Variants in LPP observed in about 807,000 individuals in gnomAD.
LPP encodes the protein lipoma-preferred partner.
Under a neutral mutation model 60.4 loss-of-function variants are expected in LPP, and 38 were observed. The ratio of observed to expected loss-of-function variants is 0.63; its 90% confidence interval spans 0.49 to 0.83. The LOEUF is 0.83. LPP is among the 40% of genes least tolerant of loss of function. The pLI is 0.00. For synonymous variants in LPP, 328 were observed against 290.8 expected (o/e 1.13, Z -1.30); for missense variants, 902 against 783.6 (o/e 1.15, Z -1.80).
Position 188,175,123 on chromosome 3 carries a change from G to C in LPP, c.-190+20871G>C, listed in dbSNP as rs541054029. ...ATTTTTTGAGTCAGAGTCTCGCTCTGTCGCTCAGCCTGGAGTGCAGTCGTG... is the reference window on the plus strand; with the variant it reads ...ATTTTTTGAGTCAGAGTCTCGCTCTCTCGCTCAGCCTGGAGTGCAGTCGTG... On this transcript the variant is annotated intron_variant, in intron 1 of 11. Transcript: ENST00000617246. 3.9e-5 allele frequency among the ~76,000 whole-genome samples: 6 copies of C among 152,234 alleles called. No individual in the cohort carries two copies. The South Asian group carries it at 8.3e-4, about 21-fold the overall frequency.
In LPP at chr3:188,862,712, C is replaced by CAAAAAAAAAAAAAAAAAAAAAAAAAAA. The variant is rs140751676; in HGVS notation, c.1411-3481_1411-3480insAAAAAAAAAAAAAAAAAAAAAAAAAAA. Among the ~76,000 whole-genome samples the CAAAAAAAAAAAAAAAAAAAAAAAAAAA allele has an allele frequency of 2.7e-4, 15 of 55,692 alleles. 1 individual carries two copies. The highest frequency in any genetic ancestry group is 1.4e-3 in the East Asian group (1 of 696). 36.5% of individuals were successfully genotyped at this position (55,692 alleles called of 152,430 possible). The stretch of plus-strand genomic sequence containing the variant: ...TATCAATGCTGGCAACCCTACTAGA[C>CAAAAAAAAAAAAAAAAAAAAAAAAAAA]AAAAAAATAAATAAATAAATAAATA... On this transcript the variant is annotated intron_variant, in intron 9 of 11. Transcript: ENST00000617246.
rs185302740 is a variant in LPP at position 188,461,359 on chromosome 3, C to G, written c.194-23233C>G. Among the ~76,000 whole-genome samples the G allele has an allele frequency of 1.3e-3, 195 of 152,260 alleles. 1 individual carries two copies. Among genetic ancestry groups the G allele is most frequent in the African/African-American group, 4.5e-3 (187 of 41,542 alleles). On this transcript the variant is annotated intron_variant, in intron 4 of 11. Coordinates refer to ENST00000617246, the MANE Select transcript of LPP (RefSeq NM_001375462.1). ...AAAATTAAAAGGCAATAAATAACTT[C>G]TGACAAAAGAAAATAGAAGCCATGT...
chr3:188,610,338 G>A lies in LPP; in HGVS notation c.1113+494G>A, dbSNP rs905085448. 6.6e-6 allele frequency among the ~76,000 whole-genome samples: 1 copy of A among 152,168 alleles called. No homozygotes were observed. Among genetic ancestry groups the A allele is most frequent in the African/African-American group, 2.4e-5 (1 of 41,442 alleles). On this transcript the variant is annotated intron_variant, in intron 7 of 11. Transcript: ENST00000617246. This position sits in a 1 kb window ranked among gnomAD's most constrained non-coding sequence, Gnocchi z 4.4. ...TGCTGTCAGGCTGTGGCCCTGTGAA[G>A]GCGATTATAACTCCCGCAATGTTGG...
At chr3:188,846,476 G>A (rs1052502773) in intron 9 of LPP, among the ~76,000 whole-genome samples, 2 of 152,016 alleles carry the variant, frequency 1.3e-5, no homozygotes, top group Non-Finnish European at 2.9e-5. Context: ...GTGAGGTCAG[G>A]GGTTCAAGAC....
chr3:188,168,486 G>A (rs344944), intron 1 of LPP, among the ~76,000 whole-genome samples: 121,707 of 152,120 alleles, frequency 0.8, 49,496 homozygotes, highest in African/African-American at 0.94. Flanking sequence ...TTCTTCAGTT[G>A]TAAATATAAT....
At chr3:188,693,611 G>GA (rs1280482047) in intron 7 of LPP, among the ~76,000 whole-genome samples, 1 of 152,136 alleles carries the variant, frequency 6.6e-6, no homozygotes, top group Non-Finnish European at 1.5e-5. Flanking sequence ...TGTTTGTCGA[G>GA]GAAAAGGAAA....
At chr3:188,359,665 G>A (rs796944313) in intron 3 of LPP, among the ~76,000 whole-genome samples, 12 of 152,150 alleles carry the variant, frequency 7.9e-5, no homozygotes, top group African/African-American at 2.9e-4. Flanking sequence ...TCCTCTATAC[G>A]TGAGGACAGT....
chr3:188,171,028 G>A (rs1485997480), intron 1 of LPP, among the ~76,000 whole-genome samples: 2 of 131,226 alleles, frequency 1.5e-5, no homozygotes, highest in African/African-American at 6.2e-5. Flanking sequence ...TGTATCAAAA[G>A]GAACACTGGC....
At chr3:188,434,895 G>T (rs1791921721) in intron 4 of LPP, among the ~76,000 whole-genome samples, 1 of 152,164 alleles carries the variant, frequency 6.6e-6, no homozygotes, top group Non-Finnish European at 1.5e-5. Flanking sequence ...CCAAGATTTA[G>T]TTCTTGAAAA....
At chr3:188,680,281 T>G (rs1859191612) in intron 7 of LPP, among the ~76,000 whole-genome samples, 1 of 152,040 alleles carries the variant, frequency 6.6e-6, no homozygotes, top group African/African-American at 2.4e-5. Flanking sequence ...ATTAGAGGAG[T>G]GTTTCTAAAT....
At chr3:188,178,849 T>C (rs1723899789) in intron 1 of LPP, 1 of 202,670 alleles carries the variant, frequency 4.9e-6, no homozygotes. Context: ...TACTGGTCTC[T>C]GTTTATGATA....
chr3:188,526,647 A>G (rs1820668097), intron 6 of LPP, among the ~76,000 whole-genome samples: 1 of 152,196 alleles, frequency 6.6e-6, no homozygotes, highest in South Asian at 2.1e-4. Flanking sequence ...TGGAATTGTT[A>G]GCCATGTGGG....
chr3:188,475,795 C>A (rs193003792), intron 4 of LPP, among the ~76,000 whole-genome samples: 3 of 151,952 alleles, frequency 2.0e-5, no homozygotes, highest in Admixed American at 6.6e-5. Flanking sequence ...CCCAGCTACT[C>A]GGGAGGCTGA....
intron 9 of LPP, among the ~76,000 whole-genome samples, chr3:188,826,106 G>C (rs1030238993): frequency 1.3e-5 from 2 of 152,086 alleles, no homozygotes; most frequent in Non-Finnish European, 1.5e-5. Flanking sequence ...ACTTATTTTG[G>C]TTCAGGAGCA....
intron 2 of LPP, among the ~76,000 whole-genome samples, chr3:188,243,671 C>T (rs1240916865): frequency 1.3e-5 from 2 of 152,112 alleles, no homozygotes; most frequent in African/African-American, 4.8e-5. Flanking sequence ...TAGACCACCA[C>T]ACTGGCAGCA....
intron 8 of LPP, among the ~76,000 whole-genome samples, chr3:188,735,788 G>T (rs1180414894): frequency 6.6e-6 from 1 of 152,164 alleles, no homozygotes; most frequent in Admixed American, 6.5e-5. Flanking sequence ...TGTGGTAATT[G>T]TTGTGTGTCT....
chr3:188,260,340 G>T (rs1330906627), intron 2 of LPP, among the ~76,000 whole-genome samples: 2 of 152,116 alleles, frequency 1.3e-5, no homozygotes, highest in Non-Finnish European at 2.9e-5. Flanking sequence ...ACTGTGCCTG[G>T]CCACTTCCAC....
intron 7 of LPP, among the ~76,000 whole-genome samples, chr3:188,673,985 C>CT (rs1437259504): frequency 5.9e-5 from 9 of 151,308 alleles, no homozygotes; most frequent in Non-Finnish European, 1.3e-4. Context: ...CATCTTACTC[C>CT]TTTGTAGTGT....
chr3:188,266,550 G>GGC (rs777913429), intron 2 of LPP, among the ~76,000 whole-genome samples: 9 of 148,476 alleles, frequency 6.1e-5, no homozygotes, highest in South Asian at 2.1e-4. Flanking sequence ...AGACGGGGAA[G>GGC]ACAGAGAGAG....
Sources: allele counts gnomAD v4.1 joint callset (sites outside exome capture counted in the v4.1 genomes callset), GRCh38; gene constraint gnomAD v4.1.1; non-coding constraint Gnocchi (gnomAD v3.1); transcripts MANE v1.5; gene names NCBI Gene and HGNC (gene_info 2026-07-23, HGNC 2026-07-21).